Variants in PLCH1 observed in about 807,000 individuals in gnomAD.
PLCH1 encodes phospholipase C eta 1.
A neutral mutation model predicts 126.7 loss-of-function variants in PLCH1; 60 were observed. The observed-to-expected ratio is 0.47, with a 90% CI of 0.38 to 0.59. The LOEUF (loss-of-function observed/expected upper bound fraction) is 0.59, where lower values mean the gene tolerates loss of function less well. PLCH1 is among the 20% of genes least tolerant of loss of function. The pLI is 0.00. For missense variants in PLCH1, 1,723 were observed against 2,040.0 expected (o/e 0.84, Z 2.99); for synonymous variants, 719 against 734.9 (o/e 0.98, Z 0.35).
At chr3:155,598,616 T>C (rs564943567) in intron 2 of PLCH1, among the ~76,000 whole-genome samples, 2 of 152,316 alleles carry the variant, frequency 1.3e-5, no homozygotes, top group Admixed American at 1.3e-4. Context: ...TACTTATTAA[T>C]GGCAATTCAG....
At chr3:155,617,892 T>A (rs1359274030) in intron 2 of PLCH1, among the ~76,000 whole-genome samples, 1 of 152,178 alleles carries the variant, frequency 6.6e-6, no homozygotes, top group Non-Finnish European at 1.5e-5. Flanking sequence ...AGCCCCAAGT[T>A]AACTTTGGAC....
intron 1 of PLCH1, among the ~76,000 whole-genome samples, chr3:155,719,898 C>T (rs1348835969): frequency 6.6e-6 from 1 of 152,040 alleles, no homozygotes; most frequent in Non-Finnish European, 1.5e-5. Context: ...CGAGCTCAAG[C>T]AATTCTCCTG....
intron 1 of PLCH1, among the ~76,000 whole-genome samples, chr3:155,712,389 C>T (rs1437001118): frequency 6.6e-6 from 1 of 152,188 alleles, no homozygotes; most frequent in African/African-American, 2.4e-5. Flanking sequence ...TTTTCTTCAG[C>T]TTTAGAATTC....
intron 2 of PLCH1, among the ~76,000 whole-genome samples, chr3:155,626,238 A>G (rs1737229493): frequency 6.6e-6 from 1 of 151,952 alleles, no homozygotes; most frequent in Non-Finnish European, 1.5e-5. Context: ...GATGATTAAT[A>G]TCTGACAGCC....
At chr3:155,538,862 A>G (rs537241788) in intron 10 of PLCH1, among the ~76,000 whole-genome samples, 15 of 152,256 alleles carry the variant, frequency 9.9e-5, no homozygotes, top group African/African-American at 3.6e-4. Flanking sequence ...AAACTATTCC[A>G]AAAGATGAGA....
chr3:155,700,923 A>C (rs1335040519), intron 2 of PLCH1, among the ~76,000 whole-genome samples: 1 of 152,218 alleles, frequency 6.6e-6, no homozygotes, highest in Non-Finnish European at 1.5e-5. Context: ...TATCAGAAGA[A>C]TAAAAGTCAA....
At chr3:155,464,433 C>T (rs1160253020) in intron 21 of PLCH1, among the ~76,000 whole-genome samples, 1 of 152,146 alleles carries the variant, frequency 6.6e-6, no homozygotes. Flanking sequence ...CAGGCAACTC[C>T]CCCAGCCACT....
At chr3:155,700,071 A>T (rs1426543106) in intron 2 of PLCH1, among the ~76,000 whole-genome samples, 3 of 152,186 alleles carry the variant, frequency 2.0e-5, no homozygotes, top group Admixed American at 6.5e-5. Flanking sequence ...GGAACTTTAC[A>T]ATCTGGCAAA....
At chr3:155,597,274 C>T (rs933051147) in intron 2 of PLCH1, among the ~76,000 whole-genome samples, 1 of 152,182 alleles carries the variant, frequency 6.6e-6, no homozygotes, top group Non-Finnish European at 1.5e-5. Flanking sequence ...CTGAGCATAT[C>T]ATTGCTTGAA....
intron 10 of PLCH1, among the ~76,000 whole-genome samples, chr3:155,538,564 G>A (rs886900812): frequency 2.6e-5 from 4 of 152,042 alleles, no homozygotes; most frequent in Admixed American, 2.6e-4. Context: ...CAAAATGAGA[G>A]ATATTACAAC....
At chr3:155,596,098 A>C (rs1308315238) in intron 3 of PLCH1, 134 bp downstream of exon 3, 1 of 679,436 alleles carries the variant, frequency 1.5e-6, no homozygotes, top group Non-Finnish European at 2.5e-6. Flanking sequence ...TCTGCCTCTC[A>C]ATATCCAAAA....
intron 15 of PLCH1, among the ~76,000 whole-genome samples, chr3:155,494,875 A>G (rs1221550046): frequency 8.5e-5 from 13 of 152,230 alleles, no homozygotes; most frequent in Admixed American, 5.9e-4. Flanking sequence ...TTTGCCAAAT[A>G]TATAGACAAC....
intron 1 of PLCH1, among the ~76,000 whole-genome samples, chr3:155,716,611 C>T (rs1747529362): frequency 6.6e-6 from 1 of 152,140 alleles, no homozygotes; most frequent in Non-Finnish European, 1.5e-5. Context: ...CACTTTGCAA[C>T]AACCAGATCT....
At chr3:155,732,737 G>C (rs1748864516) in intron 1 of PLCH1, among the ~76,000 whole-genome samples, 1 of 151,930 alleles carries the variant, frequency 6.6e-6, no homozygotes, top group South Asian at 2.1e-4. Context: ...AGTTATCTGT[G>C]CATGGTGGTG....
chr3:155,741,684 C>CTTTTATTTTTTTTTTATTTTTTTTTT, intron 1 of PLCH1, among the ~76,000 whole-genome samples: 8 of 102,864 alleles, frequency 7.8e-5, no homozygotes, highest in Non-Finnish European at 1.2e-4. Context: ...TTTATATCCT[C>CTTTTATTTTTTTTTTATTTTTTTTTT]TTTTTTTTTT....
At chr3:155,735,215 G>A (rs1251097841) in intron 1 of PLCH1, among the ~76,000 whole-genome samples, 1 of 152,202 alleles carries the variant, frequency 6.6e-6, no homozygotes, top group East Asian at 1.9e-4. Flanking sequence ...CGATGTGACT[G>A]GGTGGCGGGT....
chr3:155,517,288 C>G (rs1720470281), intron 11 of PLCH1, among the ~76,000 whole-genome samples: 1 of 152,214 alleles, frequency 6.6e-6, no homozygotes. Flanking sequence ...GCCTGAGCCA[C>G]AGAGCGAAGC....
At chr3:155,455,458 C>T (rs1018031958) in intron 21 of PLCH1, among the ~76,000 whole-genome samples, 1 of 152,216 alleles carries the variant, frequency 6.6e-6, no homozygotes, top group African/African-American at 2.4e-5. Flanking sequence ...TAGATAAATG[C>T]TCCTAAGTGT....
At chr3:155,713,982 C>T (rs562183274) in intron 1 of PLCH1, among the ~76,000 whole-genome samples, 17 of 152,270 alleles carry the variant, frequency 1.1e-4, no homozygotes, top group African/African-American at 3.9e-4. Flanking sequence ...TGGAGAAGTG[C>T]TCATTTCCTT....
Sources: allele counts gnomAD v4.1 joint callset (sites outside exome capture counted in the v4.1 genomes callset), GRCh38; gene constraint gnomAD v4.1.1; transcripts MANE v1.5; gene names NCBI Gene and HGNC (gene_info 2026-07-23, HGNC 2026-07-21).